The following MYRF variants were observed in gnomAD, a reference collection of about 807,000 sequenced individuals.
MYRF encodes the protein myelin regulatory factor.
Under a neutral mutation model 126.3 loss-of-function variants are expected in MYRF, and 16 were observed. The ratio of observed to expected loss-of-function variants is 0.13; its 90% CI spans 0.09 to 0.19. The LOEUF (loss-of-function observed/expected upper bound fraction) is 0.19. Ranked by LOEUF, MYRF falls within the 10% of genes least tolerant of loss-of-function variation. MYRF has a pLI of 1.00. For missense variants in MYRF, 1,104 were observed against 1,547.0 expected (o/e 0.71, Z 4.80); for synonymous variants, 608 against 635.3 (o/e 0.96, Z 0.65).
In MYRF at chr11:61,786,018, C is replaced by A. The variant is rs372605327; in HGVS notation, c.3376-45C>A. Reference sequence around the variant, plus strand: ...TGTCAGCAGGGAGTGCCATCTGCCCCGCACCCCCAGAGCCACCTCACCTTC... The same window carrying A: ...TGTCAGCAGGGAGTGCCATCTGCCCAGCACCCCCAGAGCCACCTCACCTTC... On this transcript the variant is annotated intron_variant, in intron 26 of 26. Transcript: ENST00000278836. The surrounding 1 kb of genome is among the most constrained non-coding windows in gnomAD (Gnocchi z 4.5). The A allele has an allele frequency of 1.3e-6, 2 of 1,593,950 alleles. No individual in the cohort carries two copies. The highest frequency in any genetic ancestry group is 1.1e-5 in the South Asian group (1 of 90,674).
At position 61,757,560 on chromosome 11, in the gene MYRF, G is replaced by A. The variant is rs1481917384; in HGVS notation, c.46+4770G>A. On this transcript the variant is annotated intron_variant, in intron 1 of 26. Transcript: ENST00000278836. This position sits in a 1 kb window ranked among gnomAD's most constrained non-coding sequence, Gnocchi z 4.7. ...GGGGGCTTGTTGAGCATGTTCTGTGGTTCTGTGTGCAAGGCCTGAACCATG... is the reference window on the plus strand; with the variant it reads ...GGGGGCTTGTTGAGCATGTTCTGTGATTCTGTGTGCAAGGCCTGAACCATG... 2 of 456,524 alleles carry A rather than the reference G, an allele frequency of 4.4e-6. No individual in the cohort carries two copies. The highest frequency in any genetic ancestry group is 2.3e-5 in the Admixed American group (1 of 42,584). 28.3% of individuals were successfully genotyped at this position (456,524 alleles called of 1,614,324 possible).
rs377515122 is a variant in MYRF, at chr11:61,776,457, G to A, written c.1499+25G>A. The A allele has an allele frequency of 7.4e-5, 118 of 1,587,250 alleles. No homozygotes were observed. The African/African-American group carries it at 8.6e-4, about 12-fold the overall frequency. Reference sequence around the variant, plus strand: ...GGTGAGCAGGTGGGGGCCCTGCCCCGGAGCCCCTCCATTTCTGAGGCAGGA... The same window carrying A: ...GGTGAGCAGGTGGGGGCCCTGCCCCAGAGCCCCTCCATTTCTGAGGCAGGA... On this transcript the variant is annotated intron_variant, in intron 10 of 26. Coordinates refer to ENST00000278836, the MANE Select transcript of MYRF (RefSeq NM_001127392.3). The surrounding 1 kb of genome is among the most constrained non-coding windows in gnomAD (Gnocchi z 4.3).
chr11:61,779,995 C>T, intron 17 of MYRF, 65 bp downstream of exon 17: 1 of 1,451,384 alleles, frequency 6.9e-7, no homozygotes, highest in Non-Finnish European at 9.6e-7. Context: ...GTGGAGTCAG[C>T]TGCCCATGGG....
Position 61,771,673 on chromosome 11 carries a change from C to A in MYRF, c.914C>A (p.Pro305Gln). 6.2e-7 allele frequency: 1 copy of A among 1,613,898 alleles called. No individual in the cohort carries two copies. ...PPWPPQGPLS[P>Q]GPGSLPLSIA... is the part of the protein sequence containing the mutation. ...TGGCCTCCCCAGGGTCCGCTCTCCCCGGGCCCTGGTTCCTTGCCTCTCAGC... is the reference window on the plus strand; with the variant it reads ...TGGCCTCCCCAGGGTCCGCTCTCCCAGGGCCCTGGTTCCTTGCCTCTCAGC... The change falls in exon 6 of 27, where the codon CCG (proline) becomes CAG (glutamine). Residue 305 changes from proline to glutamine, a missense_variant. Physicochemically the swap from Pro to Gln is moderately conservative, Grantham distance 76. Coordinates refer to ENST00000278836, the MANE Select transcript of MYRF (RefSeq NM_001127392.3).
chr11:61,777,516 C>T lies in MYRF; in HGVS notation c.1791+52C>T, dbSNP rs770555951. Reference sequence around the variant, plus strand: ...CGGGTCCAGACGCTGGAGCGGGCCGCGGGGGCGGGGCTCCTGGGGAGGGGG... The same window carrying T: ...CGGGTCCAGACGCTGGAGCGGGCCGTGGGGGCGGGGCTCCTGGGGAGGGGG... On this transcript the variant is annotated intron_variant, in intron 12 of 26. Coordinates refer to ENST00000278836, the MANE Select transcript of MYRF (RefSeq NM_001127392.3). This position sits in a 1 kb window ranked among gnomAD's most constrained non-coding sequence, Gnocchi z 8.8. 2 of 480,394 alleles carry T rather than the reference C, an allele frequency of 4.2e-6. No homozygotes were observed. 29.8% of individuals were successfully genotyped at this position (480,394 alleles called of 1,614,324 possible). A position where few individuals can be genotyped will look rare whatever the true frequency, so the allele number is the denominator to read the frequency against.
chr11:61,781,747 T>G lies in MYRF; in HGVS notation c.2939T>G (p.Phe980Cys). The G allele has an allele frequency of 6.2e-7, 1 of 1,612,140 alleles. No individual in the cohort carries two copies. The highest frequency in any genetic ancestry group is 2.2e-5 in the East Asian group (1 of 44,844). ...GKAKNSPSLG[F>C]HGRARRGALQ... is the part of the protein sequence containing the mutation. ...GCCAAGAACAGTCCCAGCCTTGGTT[T>G]CCATGGCCGGGCCCGCCGAGGGGCC... The change falls in exon 22 of 27, where the codon TTC becomes TGC. Residue 980 changes from phenylalanine (F) to cysteine (C), a missense_variant. Phe to Cys is a radical substitution (Grantham distance 205). This residue lies in a region of MYRF where 323 missense variants were observed against 383.1 expected (regional missense o/e 0.84). Coordinates refer to ENST00000278836, the MANE Select transcript of MYRF (RefSeq NM_001127392.3).
intron 1 of MYRF, among the ~76,000 whole-genome samples, chr11:61,758,543 A>C (rs1460048120): frequency 6.6e-6 from 1 of 152,184 alleles, no homozygotes; most frequent in Non-Finnish European, 1.5e-5. Context: ...CCACTAACCT[A>C]ACCCATGCAT....
At chr11:61,770,603 C>T in intron 5 of MYRF, 78 bp downstream of exon 5, 1 of 1,411,288 alleles carries the variant, frequency 7.1e-7, no homozygotes. Context: ...GCGGGCAGGC[C>T]AGAGAGGGAG....
At chr11:61,773,233 C>G (rs2066275849) in intron 7 of MYRF, among the ~76,000 whole-genome samples, 1 of 152,192 alleles carries the variant, frequency 6.6e-6, no homozygotes, top group Non-Finnish European at 1.5e-5. Flanking sequence ...CATGATCTGC[C>G]TGCCTTGGCC....
At chr11:61,779,963 A>C in intron 17 of MYRF, 33 bp downstream of exon 17, 2 of 1,584,860 alleles carry the variant, frequency 1.3e-6, no homozygotes, top group Non-Finnish European at 1.7e-6. Flanking sequence ...ATGGTGGCTG[A>C]CTAGGGGAGT....
intron 7 of MYRF, 94 bp from the exon 8 acceptor site, chr11:61,773,873 T>C (rs2066294968): frequency 9.5e-7 from 1 of 1,047,140 alleles, no homozygotes; most frequent in Non-Finnish European, 1.4e-6. Context: ...GGGTGTGGTG[T>C]GGGAAATGGT....
chr11:61,780,131 G>A, intron 17 of MYRF, 91 bp from the exon 18 acceptor site: 1 of 1,481,328 alleles, frequency 6.8e-7, no homozygotes, highest in Non-Finnish European at 9.3e-7. Flanking sequence ...TGGGAGCCCA[G>A]CCTCAGGAGC....
In MYRF at chr11:61,781,305, C is replaced by T; in HGVS notation, c.2740C>T (p.Pro914Ser). The change falls in exon 21 of 27, where the codon CCC becomes TCC. Residue 914 changes from proline to serine, a missense_variant. Transcript: ENST00000278836. ...CCCTGGCCATGTTCTCAGCCCAAGTCCCAGCCCCAGCACCAACCGCTCAGG... is the reference window on the plus strand; with the variant it reads ...CCCTGGCCATGTTCTCAGCCCAAGTTCCAGCCCCAGCACCAACCGCTCAGG... ...FNPGHVLSPS[P>S]SPSTNRSGPS... The T allele has an allele frequency of 6.2e-7, 1 of 1,614,116 alleles. No individual in the cohort carries two copies. Among genetic ancestry groups the T allele is most frequent in the Non-Finnish European group, 8.5e-7 (1 of 1,180,026 alleles).
intron 26 of MYRF, 86 bp from the exon 27 acceptor site, chr11:61,785,977 G>T (rs969782260): frequency 1.3e-6 from 2 of 1,554,032 alleles, no homozygotes; most frequent in East Asian, 2.2e-5. Flanking sequence ...AGGGCTGGGG[G>T]CACAGTGTCA....
At position 61,775,928 on chromosome 11, in the gene MYRF, C is replaced by T. The variant is rs2066369140; in HGVS notation, c.1312-128C>T. 3.8e-5 allele frequency: 31 copies of T among 824,062 alleles called. 1 individual carries two copies. The South Asian group carries it at 4.6e-4, about 12-fold the overall frequency. The allele number at this position is 824,062 out of a possible 1,614,324, so 51.0% of individuals were successfully genotyped here. ...GCATCTGAGCTTGTGGGAATCGCGG[C>T]TGAGGGCTGGGTGCTGCCCTGTTTC... is the stretch of plus-strand genomic sequence containing the variant. On this transcript the variant is annotated intron_variant, in intron 8 of 26. Transcript: ENST00000278836.
At chr11:61,755,197 C>T (rs1201146169) in intron 1 of MYRF, among the ~76,000 whole-genome samples, 2 of 152,296 alleles carry the variant, frequency 1.3e-5, no homozygotes, top group East Asian at 3.9e-4. Context: ...TGACGTGGTC[C>T]CCCTCCCTGG....
rs774077902 is a variant in MYRF, at chr11:61,781,809, G to T, written c.3001G>T (p.Ala1001Ser). ...SSVGPAEPTW[A>S]QGQSASLLAE... ...CGTGGGCCCTGCTGAGCCCACCTGG[G>T]CCCAGGGCCAGTCAGGTACTTGCTG... The change falls in exon 22 of 27, where the codon GCC becomes TCC. Residue 1001 changes from alanine to serine, a missense_variant. Around this residue, in one of 10 missense-constraint regions of MYRF, gnomAD observed 323 missense variants for 383.1 expected, o/e 0.84. Transcript: ENST00000278836. The T allele has an allele frequency of 1.8e-5, 29 of 1,568,982 alleles. No homozygotes were observed. Among genetic ancestry groups the T allele is most frequent in the Non-Finnish European group, 2.5e-5 (29 of 1,161,656 alleles).
intron 1 of MYRF, among the ~76,000 whole-genome samples, chr11:61,759,638 C>T (rs1312545050): frequency 6.6e-6 from 1 of 151,926 alleles, no homozygotes. Flanking sequence ...CCACTGCACT[C>T]CAGCCTGGGC....
Position 61,778,828 on chromosome 11 carries a change from T to G in MYRF, c.2013+339T>G, listed in dbSNP as rs1279722038. 1 of 551,478 alleles carries G rather than the reference T, an allele frequency of 1.8e-6. No homozygotes were observed. 34.2% of individuals were successfully genotyped at this position (551,478 alleles called of 1,614,324 possible). A position where few individuals can be genotyped will look rare whatever the true frequency, so the allele number is the denominator to read the frequency against. On this transcript the variant is annotated intron_variant, in intron 14 of 26. Coordinates refer to ENST00000278836, the MANE Select transcript of MYRF (RefSeq NM_001127392.3). The surrounding 1 kb of genome is among the most constrained non-coding windows in gnomAD (Gnocchi z 4.6). The stretch of plus-strand genomic sequence containing the variant: ...CTCCAGGCTGAAATACGTGGTTTAT[T>G]GTGAGGACGACGTTTGTCACTTACC...
Sources: allele counts gnomAD v4.1 joint callset (sites outside exome capture counted in the v4.1 genomes callset), GRCh38; gene constraint gnomAD v4.1.1; regional missense constraint gnomAD v4.1.1; non-coding constraint Gnocchi (gnomAD v3.1); transcripts MANE v1.5; gene names NCBI Gene and HGNC (gene_info 2026-07-23, HGNC 2026-07-21).